Variants in PCDH9 observed in about 807,000 individuals in gnomAD.
PCDH9 encodes protocadherin 9.
Under a neutral mutation model 70.6 loss-of-function variants are expected in PCDH9, and 24 were observed. That is an observed-to-expected ratio of 0.34 (90% CI 0.25 to 0.48). The LOEUF (loss-of-function observed/expected upper bound fraction) is 0.48, where lower values mean the gene tolerates loss of function less well. Ranked by LOEUF, PCDH9 falls within the 20% of genes least tolerant of loss-of-function variation. The pLI, the probability that PCDH9 is intolerant of heterozygous loss-of-function variation, is 0.99. For missense variants in PCDH9, 1,281 were observed against 1,503.6 expected (o/e 0.85, Z 2.45); for synonymous variants, 562 against 558.5 (o/e 1.01, Z -0.09).
chr13:66,562,871 T>C (rs972730503), intron 4 of PCDH9, among the ~76,000 whole-genome samples: 1 of 152,188 alleles, frequency 6.6e-6, no homozygotes, highest in African/African-American at 2.4e-5. Flanking sequence ...TTTATGCTTA[T>C]ACTCCTCATT....
intron 3 of PCDH9, among the ~76,000 whole-genome samples, chr13:66,656,804 TAC>T (rs1484259644): frequency 6.6e-6 from 1 of 152,176 alleles, no homozygotes; most frequent in Non-Finnish European, 1.5e-5. Flanking sequence ...ATGAGTTAGG[TAC>T]AGTGTTGATC....
At position 67,193,391 on chromosome 13, in the gene PCDH9, T is replaced by C. The variant is rs183553868; in HGVS notation, c.3036+32014A>G. Among the ~76,000 whole-genome samples the C allele has an allele frequency of 2.0e-3, 299 of 151,904 alleles. 1 individual carries two copies. The highest frequency in any genetic ancestry group is 6.8e-3 in the African/African-American group (283 of 41,470). ...CAACATAGGAGAAAAAATCAATCTC[T>C]GGCACTCTTCCCTTGTAACACAATA... On this transcript the variant is annotated intron_variant, in intron 2 of 4. Coordinates refer to ENST00000377865, the MANE Select transcript of PCDH9 (RefSeq NM_203487.3).
At chr13:66,538,757 TG>T (rs67588079) in intron 4 of PCDH9, among the ~76,000 whole-genome samples, 75,977 of 151,876 alleles carry the variant, frequency 0.5, 20,138 homozygotes, top group East Asian at 0.67. Flanking sequence ...ATCAAGTATC[TG>T]GGTACTTTGG....
chr13:66,388,044 T>C (rs924044452), intron 4 of PCDH9, among the ~76,000 whole-genome samples: 2 of 152,208 alleles, frequency 1.3e-5, no homozygotes, highest in Non-Finnish European at 2.9e-5. Flanking sequence ...AATACGTATC[T>C]TGAGAGAGGG....
chr13:66,371,572 T>G (rs951994323), intron 4 of PCDH9, among the ~76,000 whole-genome samples: 2 of 152,030 alleles, frequency 1.3e-5, no homozygotes, highest in Non-Finnish European at 2.9e-5. Flanking sequence ...ATGTGTCCTT[T>G]TGCACCAACT....
chr13:66,970,648 A>C (rs894414816), intron 2 of PCDH9, among the ~76,000 whole-genome samples: 3 of 150,710 alleles, frequency 2.0e-5, no homozygotes, highest in African/African-American at 7.3e-5. Flanking sequence ...AAAAAGCAAA[A>C]AAAAAAAAAA....
chr13:67,147,176 TAAC>T (rs1220080678), intron 2 of PCDH9, among the ~76,000 whole-genome samples: 1 of 152,200 alleles, frequency 6.6e-6, no homozygotes, highest in Non-Finnish European at 1.5e-5. Context: ...TTTTCAGGCT[TAAC>T]TTTCTTTTTT....
chr13:66,605,060 A>T (rs1039825535), intron 4 of PCDH9, among the ~76,000 whole-genome samples: 1 of 152,050 alleles, frequency 6.6e-6, no homozygotes, highest in Non-Finnish European at 1.5e-5. Flanking sequence ...TATCTCTGAA[A>T]TTTTTTATTT....
intron 2 of PCDH9, among the ~76,000 whole-genome samples, chr13:67,149,503 A>G (rs2087606069): frequency 6.6e-6 from 1 of 151,914 alleles, no homozygotes. Context: ...CATTGTATTT[A>G]CAGGAAAGGA....
intron 4 of PCDH9, among the ~76,000 whole-genome samples, chr13:66,565,143 A>G (rs923191729): frequency 6.6e-6 from 1 of 152,182 alleles, no homozygotes; most frequent in African/African-American, 2.4e-5. Context: ...ACCTAACACT[A>G]TTACTAACGC....
At position 66,720,879 on chromosome 13, in the gene PCDH9, AT is replaced by A. The variant is rs1168750109; in HGVS notation, c.3139-89469del. Among the ~76,000 whole-genome samples, 3 of 152,154 alleles carry A rather than the reference AT, an allele frequency of 2.0e-5. No homozygotes were observed. The East Asian group carries it at 5.8e-4, about 29-fold the overall frequency. On this transcript the variant is annotated intron_variant, in intron 3 of 4. Coordinates refer to ENST00000377865, the MANE Select transcript of PCDH9 (RefSeq NM_203487.3). ...ATAATTGTATAGTCTGGGTCCAAAA[AT>A]CCAAATGGAATCGTGGGTATACGCA...
At chr13:66,933,524 G>C (rs934495893) in intron 2 of PCDH9, among the ~76,000 whole-genome samples, 7 of 152,176 alleles carry the variant, frequency 4.6e-5, no homozygotes, top group African/African-American at 1.2e-4. Flanking sequence ...CAATAGCAAA[G>C]CAGATTTATT....
At chr13:67,166,143 A>G (rs2088110460) in intron 2 of PCDH9, among the ~76,000 whole-genome samples, 1 of 152,206 alleles carries the variant, frequency 6.6e-6, no homozygotes, top group Non-Finnish European at 1.5e-5. Flanking sequence ...TGAACACTCC[A>G]TATAAAATAA....
chr13:67,220,879 A>G (rs2089709991), intron 2 of PCDH9: 1 of 152,146 alleles, frequency 6.6e-6, no homozygotes, highest in Non-Finnish European at 1.5e-5. Flanking sequence ...AGGAATATCA[A>G]GATGGAAAGA....
At chr13:66,979,030 T>C (rs1424443522) in intron 2 of PCDH9, among the ~76,000 whole-genome samples, 1 of 152,042 alleles carries the variant, frequency 6.6e-6, no homozygotes, top group East Asian at 1.9e-4. Context: ...AAATTATCTT[T>C]TATTCTAATG....
At chr13:66,899,537 G>C (rs913244410) in intron 3 of PCDH9, among the ~76,000 whole-genome samples, 1 of 151,972 alleles carries the variant, frequency 6.6e-6, no homozygotes, top group African/African-American at 2.4e-5. Flanking sequence ...CAGTGACAGG[G>C]AAGAGCTACT....
rs377273386 is a variant in PCDH9, at chr13:66,564,638, T to G, written c.3340+66572A>C. Among the ~76,000 whole-genome samples, 652 of 139,056 alleles carry G rather than the reference T, an allele frequency of 4.7e-3. 2 individuals carry two copies. The highest frequency in any genetic ancestry group is 0.016 in the African/African-American group (623 of 39,374). 91.2% of individuals were successfully genotyped at this position (139,056 alleles called of 152,430 possible). A position where few individuals can be genotyped will look rare whatever the true frequency, so the allele number is the denominator to read the frequency against. On this transcript the variant is annotated intron_variant, in intron 4 of 4. Coordinates refer to ENST00000377865, the MANE Select transcript of PCDH9 (RefSeq NM_203487.3). ...ATTTTAAAAACAGAGAGTACCACGATTTTTCCCCCTTTCTTCTAGTTATTT... is the reference window on the plus strand; with the variant it reads ...ATTTTAAAAACAGAGAGTACCACGAGTTTTCCCCCTTTCTTCTAGTTATTT...
At chr13:67,156,760 G>A (rs911020228) in intron 2 of PCDH9, among the ~76,000 whole-genome samples, 5 of 152,170 alleles carry the variant, frequency 3.3e-5, no homozygotes, top group African/African-American at 1.2e-4. Flanking sequence ...CACTAAGAGA[G>A]CATCCTGTAA....
At chr13:67,035,337 A>G (rs992030234) in intron 2 of PCDH9, among the ~76,000 whole-genome samples, 1 of 152,062 alleles carries the variant, frequency 6.6e-6, no homozygotes, top group African/African-American at 2.4e-5. Flanking sequence ...ATATACATAC[A>G]TATAATTGTA....
Sources: allele counts gnomAD v4.1 joint callset (sites outside exome capture counted in the v4.1 genomes callset), GRCh38; gene constraint gnomAD v4.1.1; transcripts MANE v1.5; gene names NCBI Gene and HGNC (gene_info 2026-07-23, HGNC 2026-07-21).